LDB2: variants seen among roughly 807,000 people sequenced by gnomAD.
The protein encoded by LDB2 is LIM domain binding 2.
In LDB2, 12 loss-of-function variants were observed where a neutral mutation model predicts 44.3. The ratio of observed to expected loss-of-function variants is 0.27; its 90% CI spans 0.17 to 0.44. LDB2 has a LOEUF of 0.44. Among genes scored for constraint, LDB2 ranks in the 20% least tolerant of loss-of-function variants. LDB2 has a pLI of 1.00. For missense variants in LDB2, 344 were observed against 473.5 expected (o/e 0.73, Z 2.54); for synonymous variants, 164 against 174.8 (o/e 0.94, Z 0.49).
chr4:16,763,439 T>TACACACACACACACAC (rs56114847), intron 1 of LDB2, among the ~76,000 whole-genome samples: 6,721 of 141,026 alleles, frequency 0.048, 186 homozygotes, highest in Middle Eastern at 0.085. Flanking sequence ...TGTAAACACG[T>TACACACACACACACAC]ACACACACAC....
intron 1 of LDB2, among the ~76,000 whole-genome samples, chr4:16,852,400 A>T (rs534589592): frequency 2.6e-4 from 40 of 152,312 alleles, no homozygotes; most frequent in Non-Finnish European, 5.0e-4. Context: ...ACACATCTGC[A>T]ATGCAATGAA....
intron 1 of LDB2, among the ~76,000 whole-genome samples, chr4:16,828,691 T>C (rs1783510046): frequency 6.7e-6 from 1 of 149,890 alleles, no homozygotes; most frequent in Non-Finnish European, 1.5e-5. Context: ...CATTTTAGAA[T>C]TACAGCAAGA....
In LDB2 at chr4:16,739,584, AAAAAAAT is replaced by A. The variant is rs1369028302; in HGVS notation, c.235+19567_235+19573del. On this transcript the variant is annotated intron_variant, in intron 2 of 7. Coordinates refer to ENST00000304523, the MANE Select transcript of LDB2 (RefSeq NM_001290.5). Reference sequence around the variant, plus strand: ...CTCGGTGACAGAGGGAAAAAAAAAAAAAAAAATATATATATATATATATATGTATATA... The same window carrying A: ...CTCGGTGACAGAGGGAAAAAAAAAAAATATATATATATATATATGTATATA... Among the ~76,000 whole-genome samples the A allele has an allele frequency of 2.4e-5, 2 of 84,622 alleles. 1 individual carries two copies. The highest frequency in any genetic ancestry group is 1.0e-4 in the African/African-American group (2 of 19,904). 55.5% of individuals were successfully genotyped at this position (84,622 alleles called of 152,430 possible). A position where few individuals can be genotyped will look rare whatever the true frequency, so the allele number is the denominator to read the frequency against.
intron 2 of LDB2, among the ~76,000 whole-genome samples, chr4:16,703,077 A>G (rs1578910568): frequency 6.6e-6 from 1 of 152,278 alleles, no homozygotes; most frequent in Non-Finnish European, 1.5e-5. Context: ...CTGTGTGCCA[A>G]TCCTCGCTCT....
chr4:16,871,041 C>G (rs10028433), intron 1 of LDB2, among the ~76,000 whole-genome samples: 56,889 of 152,074 alleles, frequency 0.37, 11,957 homozygotes, highest in East Asian at 0.7. Flanking sequence ...CAGTGTGTTG[C>G]AGCTCTCCTA....
intron 2 of LDB2, among the ~76,000 whole-genome samples, chr4:16,693,107 C>T (rs549110045): frequency 3.3e-5 from 5 of 152,274 alleles, no homozygotes; most frequent in African/African-American, 1.2e-4. Flanking sequence ...GGCTTGGCTT[C>T]AGGCAGGATA....
intron 1 of LDB2, among the ~76,000 whole-genome samples, chr4:16,807,374 G>A (rs1778982331): frequency 6.6e-6 from 1 of 152,198 alleles, no homozygotes; most frequent in African/African-American, 2.4e-5. Flanking sequence ...AATGCTGGAT[G>A]CTAAAAATAG....
At chr4:16,731,451 G>A (rs1760739414) in intron 2 of LDB2, among the ~76,000 whole-genome samples, 1 of 152,098 alleles carries the variant, frequency 6.6e-6, no homozygotes, top group South Asian at 2.1e-4. Flanking sequence ...CCCACCTGAT[G>A]GATCAGTACC....
chr4:16,875,132 C>A (rs778294464), intron 1 of LDB2, among the ~76,000 whole-genome samples: 3 of 151,984 alleles, frequency 2.0e-5, no homozygotes, highest in Non-Finnish European at 4.4e-5. Flanking sequence ...GCAAGGCAGG[C>A]CAGTCTGAGA....
At chr4:16,633,345 G>C (rs1041367552) in intron 2 of LDB2, among the ~76,000 whole-genome samples, 26 of 152,206 alleles carry the variant, frequency 1.7e-4, no homozygotes, top group Non-Finnish European at 3.2e-4. Context: ...TAAATGACGA[G>C]TTAATGGGTG....
chr4:16,731,542 A>T (rs1760763177), intron 2 of LDB2, among the ~76,000 whole-genome samples: 1 of 152,180 alleles, frequency 6.6e-6, no homozygotes, highest in South Asian at 2.1e-4. Context: ...ATGCACAAAG[A>T]CACAAAAAAG....
At chr4:16,555,253 G>A (rs1739137885) in intron 5 of LDB2, among the ~76,000 whole-genome samples, 1 of 152,168 alleles carries the variant, frequency 6.6e-6, no homozygotes, top group African/African-American at 2.4e-5. Flanking sequence ...ATATTCAGTA[G>A]AGTTAAGACA....
chr4:16,598,684 A>G (rs966656375), intron 2 of LDB2, among the ~76,000 whole-genome samples: 4 of 152,148 alleles, frequency 2.6e-5, no homozygotes, highest in Admixed American at 6.6e-5. Flanking sequence ...TGAAAGAAAG[A>G]GGGAAGTTTT....
intron 2 of LDB2, among the ~76,000 whole-genome samples, chr4:16,608,964 G>C (rs10939675): frequency 0.37 from 55,693 of 152,054 alleles, 10,643 homozygotes; most frequent in East Asian, 0.62. Context: ...GGGCCAAGAC[G>C]GCCGACTGGA....
chr4:16,739,122 G>GC (rs929631856), intron 2 of LDB2, among the ~76,000 whole-genome samples: 14 of 151,998 alleles, frequency 9.2e-5, no homozygotes, highest in Admixed American at 7.2e-4. Context: ...AATCTAAGGC[G>GC]CCCCCCAAAT....
chr4:16,708,181 T>C (rs773756365), intron 2 of LDB2, among the ~76,000 whole-genome samples: 2 of 152,146 alleles, frequency 1.3e-5, no homozygotes, highest in Non-Finnish European at 2.9e-5. Context: ...AAGTCACTTA[T>C]ACAAAATGGT....
chr4:16,693,201 T>A (rs974992323), intron 2 of LDB2, among the ~76,000 whole-genome samples: 4 of 152,152 alleles, frequency 2.6e-5, no homozygotes, highest in African/African-American at 9.7e-5. Context: ...TTTATATTTA[T>A]GAATCATGAT....
intron 2 of LDB2, among the ~76,000 whole-genome samples, chr4:16,672,943 CCTT>C (rs1745286161): frequency 1.3e-5 from 2 of 151,042 alleles, no homozygotes; most frequent in African/African-American, 2.4e-5. Flanking sequence ...TTCTCTCCCT[CCTT>C]CTCTCTTTTT....
rs552282281 is a variant in LDB2, at chr4:16,755,289, G to T, written c.235+3869C>A. ...AGAGAAGGAAATAGCAACACTTTAT[G>T]CTGGACTTAGAACTGCAGAGCAGGT... On this transcript the variant is annotated intron_variant, in intron 2 of 7. Transcript: ENST00000304523. Among the ~76,000 whole-genome samples the T allele has an allele frequency of 2.6e-5, 4 of 152,320 alleles. No individual in the cohort carries two copies. In the East Asian group the frequency reaches 7.7e-4, roughly 29 times the overall value.
Sources: gnomAD v4.1 joint callset for allele counts (sites outside exome capture counted in the v4.1 genomes callset) on GRCh38, gnomAD v4.1.1 for gene constraint, MANE v1.5 for transcripts, NCBI Gene and HGNC (gene_info 2026-07-23, HGNC 2026-07-21) for gene names.